ST8SIA2: variants seen among roughly 807,000 people sequenced by gnomAD.
The protein encoded by ST8SIA2 is alpha-2,8-sialyltransferase 8B.
Under a neutral mutation model 37.6 loss-of-function variants are expected in ST8SIA2, and 22 were observed. The observed-to-expected ratio is 0.58, with a 90% confidence interval of 0.42 to 0.83. The LOEUF is 0.83. Ranked by LOEUF, ST8SIA2 falls within the 40% of genes least tolerant of loss-of-function variation. The pLI is 0.00. For missense variants in ST8SIA2, 382 were observed against 484.7 expected, an observed-to-expected ratio of 0.79 and a Z score of 1.99; for synonymous variants, 205 against 201.2, an observed-to-expected ratio of 1.02 and a Z score of -0.16.
chr15:92,415,793 T>C (rs1348829940), intron 1 of ST8SIA2, among the ~76,000 whole-genome samples: 1 of 152,104 alleles, frequency 6.6e-6, no homozygotes, highest in Non-Finnish European at 1.5e-5. Context: ...TGGCAGTGTA[T>C]AAACTCTGAA....
Position 92,464,307 on chromosome 15 carries a change from G to T in ST8SIA2, c.1050G>T (p.Leu350Phe), listed in dbSNP as rs780316365. Residue 350 changes from leucine to phenylalanine, a missense_variant, in exon 6 of 6, where the codon TTG becomes TTT. Physicochemically the swap from Leu to Phe is conservative, Grantham distance 22. Transcript: ENST00000268164. ...AGGCCAGCCCGCATACCATGCCCTT[G>T]GAGTTTAAGGCCCTCAAGAGCCTAC... ...TSQASPHTMPLEFKALKSLHE... is the reference protein window; with the variant it reads ...TSQASPHTMPFEFKALKSLHE... 1.9e-6 allele frequency: 3 copies of T among 1,613,950 alleles called. No individual in the cohort carries two copies. Among genetic ancestry groups the T allele is most frequent in the Non-Finnish European group, 2.5e-6 (3 of 1,180,014 alleles).
rs73547855 is a variant in ST8SIA2 at position 92,450,485 on chromosome 15, G to A, written c.842+5556G>A. 6.3e-3 allele frequency among the ~76,000 whole-genome samples: 957 copies of A among 152,246 alleles called. 16 individuals are homozygous for A. Among genetic ancestry groups the A allele is most frequent in the African/African-American group, 0.022 (906 of 41,530 alleles). On this transcript the variant is annotated intron_variant, in intron 5 of 5. Coordinates refer to ENST00000268164, the MANE Select transcript of ST8SIA2 (RefSeq NM_006011.4). ...AATTGGCTGACAGTTCTGCAGGCTCGCCAGGAATCATAGCGGCTTCAGCTT... is the reference window on the plus strand; with the variant it reads ...AATTGGCTGACAGTTCTGCAGGCTCACCAGGAATCATAGCGGCTTCAGCTT...
chr15:92,400,935 C>A (rs1233069545), intron 1 of ST8SIA2, among the ~76,000 whole-genome samples: 3 of 152,088 alleles, frequency 2.0e-5, no homozygotes, highest in African/African-American at 7.2e-5. Context: ...GAGGTCAGGT[C>A]GGGATGTGTC....
At chr15:92,404,385 T>A (rs1047036987) in intron 1 of ST8SIA2, among the ~76,000 whole-genome samples, 1 of 152,156 alleles carries the variant, frequency 6.6e-6, no homozygotes, top group African/African-American at 2.4e-5. Flanking sequence ...CTTACAGTGT[T>A]CTGAGGATTA....
At chr15:92,421,114 A>G (rs1461771921) in intron 1 of ST8SIA2, 4 of 152,240 alleles carry the variant, frequency 2.6e-5, no homozygotes, top group Non-Finnish European at 4.4e-5. Flanking sequence ...GGAGCCACCT[A>G]TACTGTCACA....
At chr15:92,421,824 C>T (rs1267129151) in intron 1 of ST8SIA2, among the ~76,000 whole-genome samples, 1 of 152,136 alleles carries the variant, frequency 6.6e-6, no homozygotes, top group Admixed American at 6.5e-5. Flanking sequence ...CAAGGAAAGG[C>T]TTTGTAGAAG....
chr15:92,439,114 A>C (rs1319174881), intron 4 of ST8SIA2, among the ~76,000 whole-genome samples: 1 of 152,198 alleles, frequency 6.6e-6, no homozygotes, highest in African/African-American at 2.4e-5. Context: ...CTGGCGCTTT[A>C]TAGAAAAAGT....
chr15:92,440,789 ACAGGC>A (rs1487802648), intron 4 of ST8SIA2, among the ~76,000 whole-genome samples: 8 of 152,232 alleles, frequency 5.3e-5, no homozygotes, highest in Non-Finnish European at 4.4e-5. Context: ...GTAATATCCT[ACAGGC>A]CAAAGCCCCA....
chr15:92,450,315 A>C (rs1011706534), intron 5 of ST8SIA2, among the ~76,000 whole-genome samples: 6 of 152,244 alleles, frequency 3.9e-5, no homozygotes, highest in African/African-American at 9.6e-5. Flanking sequence ...CTCCAAAGAA[A>C]ATATACAAAT....
chr15:92,419,628 C>T (rs1034239126), intron 1 of ST8SIA2, among the ~76,000 whole-genome samples: 8 of 152,136 alleles, frequency 5.3e-5, no homozygotes, highest in Non-Finnish European at 1.0e-4. Flanking sequence ...GGGTGAGAGG[C>T]CCAGGCTCGT....
chr15:92,465,210 G>T lies in ST8SIA2; in HGVS notation c.*825G>T, dbSNP rs1230755661. 2 of 152,524 alleles carry T rather than the reference G, an allele frequency of 1.3e-5. No homozygotes were observed. The highest frequency in any genetic ancestry group is 3.9e-4 in the East Asian group (2 of 5,176). The allele number at this position is 152,524 out of a possible 1,614,324, so 9.4% of individuals were successfully genotyped here. ...CTTGACCCTAGAATAAGGCAGGAGA[G>T]TGTCTAAAATCTAGCTGCTTTGGGT... On this transcript the variant is annotated 3_prime_UTR_variant, in exon 6 of 6. Coordinates refer to ENST00000268164, the MANE Select transcript of ST8SIA2 (RefSeq NM_006011.4).
At position 92,438,937 on chromosome 15, in the gene ST8SIA2, C is replaced by G. The variant is rs533592992; in HGVS notation, c.548+327C>G. Among the ~76,000 whole-genome samples the G allele has an allele frequency of 1.3e-4, 20 of 152,236 alleles. No homozygotes were observed. In the South Asian group the frequency reaches 3.9e-3, roughly 30 times the overall value. ...AAGATGGGCAGATGCTGGCCTGCAG[C>G]CTAAAGTTTGGTTGGAACACAGCCA... On this transcript the variant is annotated intron_variant, in intron 4 of 5. Coordinates refer to ENST00000268164, the MANE Select transcript of ST8SIA2 (RefSeq NM_006011.4).
intron 1 of ST8SIA2, among the ~76,000 whole-genome samples, chr15:92,423,988 A>G (rs952025880): frequency 1.3e-5 from 2 of 152,166 alleles, no homozygotes; most frequent in Non-Finnish European, 2.9e-5. Context: ...TCTCCTGTCC[A>G]TGTGTCCTTG....
intron 1 of ST8SIA2, among the ~76,000 whole-genome samples, chr15:92,400,935 C>T (rs1233069545): frequency 1.3e-5 from 2 of 152,088 alleles, no homozygotes; most frequent in Non-Finnish European, 2.9e-5. Context: ...GAGGTCAGGT[C>T]GGGATGTGTC....
At chr15:92,456,944 C>G (rs1022667611) in intron 5 of ST8SIA2, among the ~76,000 whole-genome samples, 14 of 152,214 alleles carry the variant, frequency 9.2e-5, no homozygotes, top group African/African-American at 2.9e-4. Flanking sequence ...TCAGCCTTTC[C>G]CAACAGCCCC....
At chr15:92,434,820 C>T (rs1596241348) in intron 3 of ST8SIA2, among the ~76,000 whole-genome samples, 1 of 152,360 alleles carries the variant, frequency 6.6e-6, no homozygotes, top group African/African-American at 2.4e-5. Flanking sequence ...GTATAGGCTG[C>T]TCCTCCCTAA....
At chr15:92,425,070 C>T (rs2049665720) in intron 1 of ST8SIA2, among the ~76,000 whole-genome samples, 1 of 122,564 alleles carries the variant, frequency 8.2e-6, no homozygotes, top group Non-Finnish European at 1.9e-5. Flanking sequence ...ATCTCTGTTT[C>T]TACAATTTCA....
intron 1 of ST8SIA2, among the ~76,000 whole-genome samples, chr15:92,416,013 C>T (rs1032957465): frequency 6.6e-6 from 1 of 151,856 alleles, no homozygotes; most frequent in Non-Finnish European, 1.5e-5. Context: ...CTGCAGGGGT[C>T]GGTAAGAGAG....
chr15:92,397,866 C>T (rs2049442553), intron 1 of ST8SIA2, among the ~76,000 whole-genome samples: 1 of 152,230 alleles, frequency 6.6e-6, no homozygotes, highest in South Asian at 2.1e-4. Context: ...GGAACGGTGG[C>T]TCACGCCTGT....
Sources: gnomAD v4.1 joint callset for allele counts (sites outside exome capture counted in the v4.1 genomes callset) on GRCh38, gnomAD v4.1.1 for gene constraint, MANE v1.5 for transcripts, NCBI Gene and HGNC (gene_info 2026-07-23, HGNC 2026-07-21) for gene names.